SH3BGRL2: variants seen among roughly 807,000 people sequenced by gnomAD.
SH3BGRL2 encodes the protein SH3 domain-binding glutamic acid-rich-like protein 2.
A neutral mutation model predicts 14.8 loss-of-function variants in SH3BGRL2; 21 were observed. The observed-to-expected ratio is 1.42, with a 90% CI of 1.01 to 2.05. The LOEUF (loss-of-function observed/expected upper bound fraction) is 2.05, where lower values mean the gene tolerates loss of function less well. Ranked by LOEUF, SH3BGRL2 falls within the 30% of genes most tolerant of loss-of-function variation. The pLI, the probability that SH3BGRL2 is intolerant of heterozygous loss-of-function variation, is 0.00. For synonymous variants in SH3BGRL2, 50 were observed against 47.8 expected (o/e 1.05, Z -0.19); for missense variants, 147 against 130.8 (o/e 1.12, Z -0.61).
At chr6:79,659,961 A>G (rs1206275376) in intron 1 of SH3BGRL2, among the ~76,000 whole-genome samples, 2 of 152,154 alleles carry the variant, frequency 1.3e-5, no homozygotes, top group Non-Finnish European at 2.9e-5. Context: ...GGTGTATAAG[A>G]ATGCTTGTGA....
upstream of SH3BGRL2, among the ~76,000 whole-genome samples, chr6:79,629,346 A>C (rs1768781308): frequency 6.6e-6 from 1 of 152,154 alleles, no homozygotes; most frequent in Non-Finnish European, 1.5e-5. Context: ...TTTAGGGTAG[A>C]AATGTTGCTT....
Position 79,702,691 on chromosome 6 carries a change from G to T in SH3BGRL2, c.*3182G>T, listed in dbSNP as rs939650852. On this transcript the variant is annotated 3_prime_UTR_variant, in exon 4 of 4. Transcript: ENST00000369838. ...TTCAAGGAGCCAGACATGAGGTCCTGCACGAGGGTGTTGGGAGGACACCAC... is the reference window on the plus strand; with the variant it reads ...TTCAAGGAGCCAGACATGAGGTCCTTCACGAGGGTGTTGGGAGGACACCAC... The T allele has an allele frequency of 3.3e-5, 5 of 152,210 alleles. No homozygotes were observed. Among genetic ancestry groups the T allele is most frequent in the African/African-American group, 7.2e-5 (3 of 41,458 alleles). 9.4% of individuals were successfully genotyped at this position (152,210 alleles called of 1,614,324 possible). A position where few individuals can be genotyped will look rare whatever the true frequency, so the allele number is the denominator to read the frequency against.
At chr6:79,568,259 A>G in the SH3BGRL2 span, among the ~76,000 whole-genome samples, 1 of 152,286 alleles carries the variant, frequency 6.6e-6, no homozygotes, top group South Asian at 2.1e-4. Context: ...GTGCAAAAGG[A>G]CACAGGTACT....
the SH3BGRL2 span, among the ~76,000 whole-genome samples, chr6:79,546,274 G>T: frequency 6.6e-6 from 1 of 152,256 alleles, no homozygotes; most frequent in South Asian, 2.1e-4. Flanking sequence ...GGGTAAAAAT[G>T]ATTAAGCTTG....
chr6:79,687,113 A>G (rs1011478580), intron 2 of SH3BGRL2, among the ~76,000 whole-genome samples: 1 of 152,144 alleles, frequency 6.6e-6, no homozygotes, highest in Non-Finnish European at 1.5e-5. Context: ...TGTCTAAGCC[A>G]TTACAAATGT....
chr6:79,554,223 C>G, the SH3BGRL2 span, among the ~76,000 whole-genome samples: 1 of 152,034 alleles, frequency 6.6e-6, no homozygotes, highest in African/African-American at 2.4e-5. Flanking sequence ...CCTGTTGTGA[C>G]CACAGTAGGT....
At chr6:79,694,909 T>C (rs1316441410) in intron 2 of SH3BGRL2, among the ~76,000 whole-genome samples, 1 of 152,226 alleles carries the variant, frequency 6.6e-6, no homozygotes, top group Admixed American at 6.5e-5. Flanking sequence ...TGCCCTTTTT[T>C]TGAGCCATTC....
At chr6:79,687,349 C>T (rs1770117156) in intron 2 of SH3BGRL2, among the ~76,000 whole-genome samples, 2 of 151,758 alleles carry the variant, frequency 1.3e-5, no homozygotes, top group African/African-American at 4.8e-5. Context: ...TTTTTTTTCT[C>T]CTCCAGTTTA....
chr6:79,639,899 A>C (rs1768998067), intron 1 of SH3BGRL2, among the ~76,000 whole-genome samples: 1 of 152,150 alleles, frequency 6.6e-6, no homozygotes, highest in Admixed American at 6.5e-5. Flanking sequence ...GTGATGCAAA[A>C]AAAGAGGTTA....
the SH3BGRL2 span, among the ~76,000 whole-genome samples, chr6:79,572,868 A>G: frequency 6.6e-6 from 1 of 152,260 alleles, no homozygotes; most frequent in Non-Finnish European, 1.5e-5. Flanking sequence ...TAGACATTTT[A>G]TATATATGTA....
At chr6:79,552,418 T>G in the SH3BGRL2 span, among the ~76,000 whole-genome samples, 8 of 152,336 alleles carry the variant, frequency 5.3e-5, no homozygotes, top group South Asian at 1.7e-3. Context: ...TGGCATGGCC[T>G]TTGGTCCTGT....
At position 79,648,613 on chromosome 6, in the gene SH3BGRL2, C is replaced by CT. The variant is rs1196188633; in HGVS notation, c.45+17110dup. Among the ~76,000 whole-genome samples the CT allele has an allele frequency of 9.2e-5, 14 of 151,900 alleles. No individual in the cohort carries two copies. The South Asian group carries it at 2.9e-3, about 32-fold the overall frequency. Reference sequence around the variant, plus strand: ...TCCTGGCCTCAATGCAGTCAAGGTTCTTTGAGTTCTTAGTTCTTCACGGTT... The same window carrying CT: ...TCCTGGCCTCAATGCAGTCAAGGTTCTTTTGAGTTCTTAGTTCTTCACGGTT... On this transcript the variant is annotated intron_variant, in intron 1 of 3. Transcript: ENST00000369838.
At chr6:79,561,775 A>T in the SH3BGRL2 span, among the ~76,000 whole-genome samples, 2 of 152,292 alleles carry the variant, frequency 1.3e-5, no homozygotes, top group African/African-American at 4.8e-5. Flanking sequence ...TTGCCCTTCC[A>T]GTAATCTGAG....
the SH3BGRL2 span, among the ~76,000 whole-genome samples, chr6:79,553,433 A>G: frequency 2.6e-5 from 4 of 152,224 alleles, no homozygotes; most frequent in Non-Finnish European, 2.9e-5. Flanking sequence ...AAAATAATCC[A>G]TACTTGTGGC....
At chr6:79,624,968 C>T in the SH3BGRL2 span, among the ~76,000 whole-genome samples, 4 of 151,868 alleles carry the variant, frequency 2.6e-5, no homozygotes, top group African/African-American at 9.7e-5. Context: ...GCCCAGGGTT[C>T]CAGATGAGCC....
At chr6:79,620,912 A>G in the SH3BGRL2 span, among the ~76,000 whole-genome samples, 1 of 152,080 alleles carries the variant, frequency 6.6e-6, no homozygotes, top group Non-Finnish European at 1.5e-5. Context: ...TGGGAAATAT[A>G]GTGGCTTTTA....
rs544554865 is a variant in SH3BGRL2, at chr6:79,667,893, G to A, written c.46-5721G>A. ...TGACTCTAAAATATATACTTCCCCC[G>A]GCCCCACCTCCCCCCAGTTTTCCTC... On this transcript the variant is annotated intron_variant, in intron 1 of 3. Transcript: ENST00000369838. 8.8e-4 allele frequency among the ~76,000 whole-genome samples: 132 copies of A among 150,530 alleles called. 1 individual carries two copies. The South Asian group carries it at 0.017, about 19-fold the overall frequency.
chr6:79,639,361 G>A (rs1297750226), intron 1 of SH3BGRL2, among the ~76,000 whole-genome samples: 1 of 152,128 alleles, frequency 6.6e-6, no homozygotes, highest in Non-Finnish European at 1.5e-5. Context: ...GGCTGAGTCA[G>A]GCAGATCTCT....
chr6:79,550,980 A>G, the SH3BGRL2 span, among the ~76,000 whole-genome samples: 1 of 152,212 alleles, frequency 6.6e-6, no homozygotes, highest in Non-Finnish European at 1.5e-5. Context: ...TACAAAAGTC[A>G]GTGGTCAAGC....
Sources: allele counts gnomAD v4.1 joint callset (sites outside exome capture counted in the v4.1 genomes callset), GRCh38; gene constraint gnomAD v4.1.1; transcripts MANE v1.5; gene names NCBI Gene and HGNC (gene_info 2026-07-23, HGNC 2026-07-21).